Variants in MAGI2 observed in about 807,000 individuals in gnomAD.
MAGI2 encodes membrane-associated guanylate kinase, WW and PDZ domain-containing protein 2.
A neutral mutation model predicts 133.3 loss-of-function variants in MAGI2; 35 were observed. That is an observed-to-expected ratio of 0.26 (90% CI 0.20 to 0.35). The LOEUF (loss-of-function observed/expected upper bound fraction) is 0.35. MAGI2 is among the 10% of genes least tolerant of loss of function. The pLI is 1.00. For synonymous variants in MAGI2, 729 were observed against 710.6 expected, an observed-to-expected ratio of 1.03 and a Z score of -0.41; for missense variants, 1,636 against 1,863.4, an observed-to-expected ratio of 0.88 and a Z score of 2.25.
intron 6 of MAGI2, chr7:78,485,386 C>T (rs1792886199): frequency 6.6e-6 from 1 of 151,910 alleles, no homozygotes; most frequent in Admixed American, 6.6e-5. Flanking sequence ...TTCAGTATTT[C>T]CAACCCTATT....
intron 1 of MAGI2, among the ~76,000 whole-genome samples, chr7:79,094,844 G>T (rs529092871): frequency 2.8e-4 from 42 of 152,304 alleles, no homozygotes; most frequent in African/African-American, 9.1e-4. Flanking sequence ...TTGTAAACAG[G>T]TGTGTTGTCA....
intron 1 of MAGI2, among the ~76,000 whole-genome samples, chr7:79,060,073 A>T (rs1000275112): frequency 6.6e-6 from 1 of 152,106 alleles, no homozygotes; most frequent in African/African-American, 2.4e-5. Context: ...GCTAAGGAGA[A>T]GAAATCAATG....
At chr7:79,026,103 G>C (rs1277850037) in intron 1 of MAGI2, among the ~76,000 whole-genome samples, 1 of 152,178 alleles carries the variant, frequency 6.6e-6, no homozygotes, top group Non-Finnish European at 1.5e-5. Context: ...TTCACTTTTA[G>C]ACATCTGAGG....
intron 21 of MAGI2, among the ~76,000 whole-genome samples, chr7:78,025,808 G>C (rs1475545148): frequency 6.6e-6 from 1 of 152,174 alleles, no homozygotes; most frequent in Admixed American, 6.5e-5. Flanking sequence ...AGGCCCCTTA[G>C]GATGGACAGG....
chr7:78,422,259 A>G (rs1361918461), intron 6 of MAGI2, among the ~76,000 whole-genome samples: 1 of 152,154 alleles, frequency 6.6e-6, no homozygotes, highest in Non-Finnish European at 1.5e-5. Flanking sequence ...GCGTATTCTC[A>G]TTTGTCACAC....
At chr7:78,025,810 A>G (rs1808855808) in intron 21 of MAGI2, among the ~76,000 whole-genome samples, 1 of 152,200 alleles carries the variant, frequency 6.6e-6, no homozygotes, top group African/African-American at 2.4e-5. Flanking sequence ...GCCCCTTAGG[A>G]TGGACAGGGA....
intron 2 of MAGI2, among the ~76,000 whole-genome samples, chr7:78,842,698 T>C (rs1198612550): frequency 1.3e-5 from 2 of 151,864 alleles, no homozygotes; most frequent in African/African-American, 4.8e-5. Flanking sequence ...AAAAAAATCC[T>C]ATATGCTTAT....
intron 2 of MAGI2, among the ~76,000 whole-genome samples, chr7:78,859,093 T>C (rs1231384126): frequency 1.3e-5 from 2 of 152,132 alleles, no homozygotes; most frequent in African/African-American, 4.8e-5. Flanking sequence ...ATTTGCTTGG[T>C]AGATCTTCCT....
intron 2 of MAGI2, among the ~76,000 whole-genome samples, chr7:78,980,008 T>G (rs2116155417): frequency 6.6e-6 from 1 of 151,972 alleles, no homozygotes; most frequent in South Asian, 2.1e-4. Flanking sequence ...TAAATGAAGG[T>G]ATCTGGATTT....
chr7:79,006,913 C>A, intron 2 of MAGI2, 177 bp downstream of exon 2: 1 of 477,880 alleles, frequency 2.1e-6, no homozygotes, highest in Non-Finnish European at 3.7e-6. Flanking sequence ...TCATCATAAA[C>A]CATACTACTG....
In MAGI2 at chr7:79,387,392, A is replaced by G. The variant is rs1356232623; in HGVS notation, c.301+65628T>C. 4.6e-5 allele frequency among the ~76,000 whole-genome samples: 7 copies of G among 152,142 alleles called. No homozygotes were observed. In the South Asian group the frequency reaches 1.2e-3, roughly 27 times the overall value. On this transcript the variant is annotated intron_variant, in intron 1 of 21. Coordinates refer to ENST00000354212, the MANE Select transcript of MAGI2 (RefSeq NM_012301.4). ...CGTTCAACTTTTAACCTCTTCTATC[A>G]TATCTCTGTATTGCAACTTGTTACA... is the stretch of plus-strand genomic sequence containing the variant.
At chr7:78,340,226 G>C (rs1377188883) in intron 9 of MAGI2, among the ~76,000 whole-genome samples, 1 of 152,088 alleles carries the variant, frequency 6.6e-6, no homozygotes, top group East Asian at 1.9e-4. Context: ...TATTCCTTTA[G>C]AGATATAGTT....
At chr7:79,225,577 T>G (rs1830781878) in intron 1 of MAGI2, among the ~76,000 whole-genome samples, 1 of 152,230 alleles carries the variant, frequency 6.6e-6, no homozygotes, top group South Asian at 2.1e-4. Context: ...ATATGCTAAA[T>G]ATAGTAACAT....
chr7:78,883,283 C>T (rs1313358060), intron 2 of MAGI2, among the ~76,000 whole-genome samples: 1 of 151,702 alleles, frequency 6.6e-6, no homozygotes, highest in African/African-American at 2.4e-5. Flanking sequence ...CAAAACAAAA[C>T]CAAATAAACA....
intron 21 of MAGI2, among the ~76,000 whole-genome samples, chr7:78,023,629 A>AAGAAG (rs942352874): frequency 6.6e-6 from 1 of 152,208 alleles, no homozygotes; most frequent in African/African-American, 2.4e-5. Context: ...GGCTAAAATT[A>AAGAAG]AGAAGGAAAA....
At chr7:79,308,155 T>C (rs546994800) in intron 1 of MAGI2, among the ~76,000 whole-genome samples, 7 of 152,308 alleles carry the variant, frequency 4.6e-5, no homozygotes, top group South Asian at 4.1e-4. Flanking sequence ...AAAAACAGTG[T>C]TTAGCATTAT....
chr7:79,110,888 G>T (rs372951625), intron 1 of MAGI2, among the ~76,000 whole-genome samples: 1 of 152,044 alleles, frequency 6.6e-6, no homozygotes, highest in Non-Finnish European at 1.5e-5. Context: ...GTTCTCACAA[G>T]ATCTGGTTGC....
chr7:78,088,263 A>C (rs1816835423), intron 20 of MAGI2, among the ~76,000 whole-genome samples: 1 of 152,148 alleles, frequency 6.6e-6, no homozygotes, highest in African/African-American at 2.4e-5. Context: ...CATGGTAACA[A>C]TTCCTTGTTT....
chr7:78,145,445 G>A lies in MAGI2; in HGVS notation c.2846-10239C>T, dbSNP rs538214327. On this transcript the variant is annotated intron_variant, in intron 16 of 21. Transcript: ENST00000354212. The stretch of plus-strand genomic sequence containing the variant: ...TGAACCTTTATTATACTATTTCTTT[G>A]ATAATTTCCATTCTGTTTTTCTGGT... Among the ~76,000 whole-genome samples, 10 of 151,968 alleles carry A rather than the reference G, an allele frequency of 6.6e-5. No individual in the cohort carries two copies. In the South Asian group the frequency reaches 1.5e-3, roughly 22 times the overall value.
Sources: gnomAD v4.1 joint callset for allele counts (sites outside exome capture counted in the v4.1 genomes callset) on GRCh38, gnomAD v4.1.1 for gene constraint, MANE v1.5 for transcripts, NCBI Gene and HGNC (gene_info 2026-07-23, HGNC 2026-07-21) for gene names.